Variants in POPDC1 observed in about 807,000 individuals in gnomAD.
POPDC1 encodes popeye domain cAMP effector 1.
At chr6:105,104,685 T>C in the POPDC1 span, among the ~76,000 whole-genome samples, 2 of 152,158 alleles carry the variant, frequency 1.3e-5, no homozygotes, top group Admixed American at 6.5e-5. Flanking sequence ...GAAATCACTT[T>C]TGTAGAATTG....
the POPDC1 span, chr6:105,116,782 C>T: frequency 3.7e-6 from 6 of 1,612,518 alleles, no homozygotes; most frequent in East Asian, 6.7e-5. Flanking sequence ...AGATTTCATA[C>T]AAGAAAGGTT....
the POPDC1 span, among the ~76,000 whole-genome samples, chr6:105,111,208 A>T: frequency 6.6e-6 from 1 of 152,240 alleles, no homozygotes; most frequent in Admixed American, 6.5e-5. Flanking sequence ...ATGATAGGTT[A>T]TTTAACCCCA....
the POPDC1 span, among the ~76,000 whole-genome samples, chr6:105,120,386 G>A: frequency 6.6e-6 from 1 of 151,392 alleles, no homozygotes; most frequent in Non-Finnish European, 1.5e-5. Context: ...CTACCAAATA[G>A]ACAGTTTATT....
At chr6:105,109,370 T>C in the POPDC1 span, among the ~76,000 whole-genome samples, 10 of 152,102 alleles carry the variant, frequency 6.6e-5, no homozygotes, top group African/African-American at 1.9e-4. Context: ...AGTGACTTCA[T>C]CATATTGAGC....
chr6:105,130,058 T>C, the POPDC1 span, among the ~76,000 whole-genome samples: 16 of 152,090 alleles, frequency 1.1e-4, no homozygotes, highest in Non-Finnish European at 1.6e-4. Flanking sequence ...TAAAAATATA[T>C]AGGAAATACA....
chr6:105,115,979 A>C, the POPDC1 span: 1 of 551,764 alleles, frequency 1.8e-6, no homozygotes, highest in Non-Finnish European at 2.9e-6. Context: ...ATAAGCTATG[A>C]TTTTTATTAT....
chr6:105,114,471 T>C, the POPDC1 span, among the ~76,000 whole-genome samples: 1 of 106,400 alleles, frequency 9.4e-6, no homozygotes, highest in Non-Finnish European at 1.9e-5. Context: ...ATATAATTTA[T>C]CTAAAGGCAT....
chr6:105,131,946 T>C, the POPDC1 span, among the ~76,000 whole-genome samples: 7 of 151,728 alleles, frequency 4.6e-5, no homozygotes, highest in Non-Finnish European at 1.0e-4. Flanking sequence ...TTCCAGCCTC[T>C]TTTTCCTTGT....
the POPDC1 span, chr6:105,116,604 T>C: frequency 2.1e-5 from 20 of 936,598 alleles, no homozygotes; most frequent in Admixed American, 1.5e-4. Context: ...ATTTAACATA[T>C]GGCTAGTTAC....
chr6:105,129,397 A>C, the POPDC1 span: 1 of 1,610,540 alleles, frequency 6.2e-7, no homozygotes, highest in Non-Finnish European at 8.5e-7. Context: ...TCTTGTATAA[A>C]AGATACGACA....
chr6:105,134,439 T>C, the POPDC1 span, among the ~76,000 whole-genome samples: 68 of 152,196 alleles, frequency 4.5e-4, 1 homozygote, highest in Admixed American at 2.0e-4. Flanking sequence ...CACTCTATTA[T>C]TAATTGCACA....
the POPDC1 span, among the ~76,000 whole-genome samples, chr6:105,108,169 T>C: frequency 1.3e-5 from 2 of 152,022 alleles, no homozygotes; most frequent in Non-Finnish European, 2.9e-5. Context: ...GGAGCAAAAG[T>C]CCCGCAGCCT....
the POPDC1 span, chr6:105,115,786 C>T: frequency 1.2e-6 from 2 of 1,614,086 alleles, no homozygotes; most frequent in South Asian, 1.1e-5. Context: ...ACATGGAGAT[C>T]TGTGTGCAGA....
At chr6:105,101,376 A>C in the POPDC1 span, among the ~76,000 whole-genome samples, 1 of 152,194 alleles carries the variant, frequency 6.6e-6, no homozygotes, top group Non-Finnish European at 1.5e-5. Flanking sequence ...TCAATCCAGC[A>C]TCTCAATAAA....
the POPDC1 span, chr6:105,099,520 G>A: frequency 4.6e-5 from 7 of 152,226 alleles, no homozygotes; most frequent in African/African-American, 7.2e-5. Flanking sequence ...GCCAATCAAT[G>A]AGCTTCATTC....
At chr6:105,131,691 C>T in the POPDC1 span, among the ~76,000 whole-genome samples, 8 of 152,240 alleles carry the variant, frequency 5.3e-5, no homozygotes, top group Non-Finnish European at 1.0e-4. Flanking sequence ...GCTAGGACTA[C>T]AGGCGTTAGC....
chr6:105,135,729 A>G, the POPDC1 span, among the ~76,000 whole-genome samples: 1 of 151,216 alleles, frequency 6.6e-6, no homozygotes, highest in Non-Finnish European at 1.5e-5. Context: ...AGAGAGAGAG[A>G]TATATATAGA....
chr6:105,122,998 T>C, the POPDC1 span, among the ~76,000 whole-genome samples: 3 of 152,184 alleles, frequency 2.0e-5, no homozygotes, highest in East Asian at 1.9e-4. Flanking sequence ...CAGGGCAGGA[T>C]TGAAACCACC....
At chr6:105,128,348 C>G in the POPDC1 span, among the ~76,000 whole-genome samples, 5 of 152,314 alleles carry the variant, frequency 3.3e-5, no homozygotes, top group African/African-American at 9.6e-5. Flanking sequence ...TTGGGTGTTT[C>G]TCTTTTGCTC....
Sources: allele counts gnomAD v4.1 joint callset (sites outside exome capture counted in the v4.1 genomes callset), GRCh38; gene constraint gnomAD v4.1.1; transcripts MANE v1.5; gene names NCBI Gene and HGNC (gene_info 2026-07-23, HGNC 2026-07-21).